The following CELSR1 variants were observed in gnomAD, a reference collection of about 807,000 sequenced individuals.
CELSR1 encodes cadherin EGF LAG seven-pass G-type receptor 1, also known as adhesion G protein-coupled receptor C1.
Under a neutral mutation model 249.1 loss-of-function variants are expected in CELSR1, and 110 were observed. The observed-to-expected ratio is 0.44, with a 90% CI of 0.38 to 0.52. The LOEUF (loss-of-function observed/expected upper bound fraction) is 0.52, where lower values mean the gene tolerates loss of function less well. Among genes scored for constraint, CELSR1 ranks in the 20% least tolerant of loss-of-function variants. CELSR1 has a pLI of 0.00. For synonymous variants in CELSR1, 2,113 were observed against 1,900.0 expected (o/e 1.11, Z -2.92); for missense variants, 4,109 against 4,296.4 (o/e 0.96, Z 1.22).
rs1177589089 is a variant in CELSR1, at chr22:46,523,286, T to C, written c.3544+10341A>G. Among the ~76,000 whole-genome samples the C allele has an allele frequency of 2.0e-5, 3 of 152,270 alleles. No individual in the cohort carries two copies. The East Asian group carries it at 5.8e-4, about 29-fold the overall frequency. ...GCTGATGCCTGTAATCCCAGCACTT[T>C]GGGAGGCCAAGGCGGACGGTTCAGC... is the stretch of plus-strand genomic sequence containing the variant. On this transcript the variant is annotated intron_variant, in intron 1 of 34. Transcript: ENST00000674500.
chr22:46,386,294 G>A, intron 19 of CELSR1, 108 bp downstream of exon 19: 6 of 1,248,506 alleles, frequency 4.8e-6, no homozygotes, highest in Non-Finnish European at 6.4e-6. Context: ...CTAAGAGCAT[G>A]GCCAAGGGGG....
rs558070325 is a variant in CELSR1, at chr22:46,454,507, C to T, written c.4183+9200G>A. Among the ~76,000 whole-genome samples the T allele has an allele frequency of 2.2e-4, 34 of 152,338 alleles. 2 individuals carry two copies. The South Asian group carries it at 6.4e-3, about 29-fold the overall frequency. On this transcript the variant is annotated intron_variant, in intron 2 of 34. Coordinates refer to ENST00000674500, the MANE Select transcript of CELSR1 (RefSeq NM_001378328.1). The surrounding 1 kb of genome is among the most constrained non-coding windows in gnomAD (Gnocchi z 5.1). Reference sequence around the variant, plus strand: ...CTCAACAGCACAGACTTCGAAGTCACGGGGAACGGCGTGTGCTTTAAACCA... The same window carrying T: ...CTCAACAGCACAGACTTCGAAGTCATGGGGAACGGCGTGTGCTTTAAACCA...
At chr22:46,375,686 G>A (rs911602519) in intron 24 of CELSR1, among the ~76,000 whole-genome samples, 1 of 152,022 alleles carries the variant, frequency 6.6e-6, no homozygotes, top group Non-Finnish European at 1.5e-5. Context: ...TGGGATTACA[G>A]GTGCGTACCA....
chr22:46,372,032 C>T (rs1489887011), intron 25 of CELSR1, among the ~76,000 whole-genome samples: 7 of 149,946 alleles, frequency 4.7e-5, no homozygotes, highest in Admixed American at 1.3e-4. Context: ...TCTACTCACT[C>T]GTCTCTCCAT....
At chr22:46,470,131 G>C (rs2080141474) in intron 1 of CELSR1, among the ~76,000 whole-genome samples, 1 of 146,484 alleles carries the variant, frequency 6.8e-6, no homozygotes, top group African/African-American at 2.5e-5. Flanking sequence ...TTTTTTTTTA[G>C]GGTCCACTAC....
Position 46,531,185 on chromosome 22 carries a change from TTTTATTTA to T in CELSR1, c.3544+2434_3544+2441del, listed in dbSNP as rs151076267. Among the ~76,000 whole-genome samples the T allele has an allele frequency of 4.3e-3, 639 of 148,056 alleles. 4 individuals are homozygous for T. Among genetic ancestry groups the T allele is most frequent in the Non-Finnish European group, 5.0e-3 (335 of 66,916 alleles). On this transcript the variant is annotated intron_variant, in intron 1 of 34. Coordinates refer to ENST00000674500, the MANE Select transcript of CELSR1 (RefSeq NM_001378328.1). ...AATGGTCTGAGATTTCTGCGCATCC[TTTTATTTA>T]TTTATTTATTTATTTATTTATTTAT...
At position 46,473,274 on chromosome 22, in the gene CELSR1, G is replaced by T. The variant is rs1472236949; in HGVS notation, c.3545-8929C>A. On this transcript the variant is annotated intron_variant, in intron 1 of 34. Coordinates refer to ENST00000674500, the MANE Select transcript of CELSR1 (RefSeq NM_001378328.1). This position sits in a 1 kb window ranked among gnomAD's most constrained non-coding sequence, Gnocchi z 6.6. ...GTAAGGTGACTCGGGCTGAGTGGCGGGGCCCAGATTAACCTGAGGCCAAGT... is the reference window on the plus strand; with the variant it reads ...GTAAGGTGACTCGGGCTGAGTGGCGTGGCCCAGATTAACCTGAGGCCAAGT... Among the ~76,000 whole-genome samples the T allele has an allele frequency of 2.0e-5, 3 of 152,150 alleles. No individual in the cohort carries two copies. Among genetic ancestry groups the T allele is most frequent in the African/African-American group, 7.2e-5 (3 of 41,426 alleles).
In CELSR1 at chr22:46,428,383, C is replaced by T. The variant is rs956357329; in HGVS notation, c.4611+5010G>A. Among the ~76,000 whole-genome samples, 3 of 152,206 alleles carry T rather than the reference C, an allele frequency of 2.0e-5. No homozygotes were observed. The highest frequency in any genetic ancestry group is 6.5e-5 in the Admixed American group (1 of 15,284). On this transcript the variant is annotated intron_variant, in intron 5 of 34. Coordinates refer to ENST00000674500, the MANE Select transcript of CELSR1 (RefSeq NM_001378328.1). The surrounding 1 kb of genome is among the most constrained non-coding windows in gnomAD (Gnocchi z 5.7). ...CACAGCATCGTCCCCGGCCAGGTGA[C>T]GGATGCCGAGTGCCCCTTGGAGACC...
In CELSR1 at chr22:46,512,131, C is replaced by T. The variant is rs772506501; in HGVS notation, c.3544+21496G>A. Among the ~76,000 whole-genome samples the T allele has an allele frequency of 6.6e-6, 1 of 152,200 alleles. No individual in the cohort carries two copies. The highest frequency in any genetic ancestry group is 1.5e-5 in the Non-Finnish European group (1 of 68,048). ...TGCCAGGAGCTCTCAGTGTGGCAAA[C>T]ACAGCAGCAGCAAGAGTGACGGCGG... is the stretch of plus-strand genomic sequence containing the variant. On this transcript the variant is annotated intron_variant, in intron 1 of 34. Transcript: ENST00000674500. This position sits in a 1 kb window ranked among gnomAD's most constrained non-coding sequence, Gnocchi z 5.2.
At chr22:46,508,353 T>C (rs1322100269) in intron 1 of CELSR1, among the ~76,000 whole-genome samples, 2 of 148,158 alleles carry the variant, frequency 1.3e-5, no homozygotes, top group Admixed American at 1.3e-4. Context: ...GAGGGTGGGA[T>C]GGGAGGGGCA....
intron 5 of CELSR1, among the ~76,000 whole-genome samples, chr22:46,419,186 A>G (rs1283934245): frequency 6.6e-6 from 1 of 151,718 alleles, no homozygotes; most frequent in Non-Finnish European, 1.5e-5. Flanking sequence ...CGGCCAGGCT[A>G]CTCCCCCAGG....
Position 46,364,714 on chromosome 22 carries a change from A to G in CELSR1, c.8577T>C (p.Val2859=), listed in dbSNP as rs1442495857. ...TPKGDAVANH[V]PAGWPDQSLA... ...GGCTCTGGTCGGGCCAGCCGGCCGG[A>G]ACGTGGTTGGCCACAGCGTCCCCTG... The change falls in exon 33 of 35, where the codon GTT becomes GTC. Residue 2859 remains valine, a synonymous_variant. Coordinates refer to ENST00000674500, the MANE Select transcript of CELSR1 (RefSeq NM_001378328.1). 6 of 1,612,280 alleles carry G rather than the reference A, an allele frequency of 3.7e-6. No homozygotes were observed. Among genetic ancestry groups the G allele is most frequent in the African/African-American group, 1.3e-5 (1 of 75,044 alleles).
intron 1 of CELSR1, among the ~76,000 whole-genome samples, chr22:46,509,963 G>C (rs998334500): frequency 1.3e-5 from 2 of 152,214 alleles, no homozygotes; most frequent in African/African-American, 4.8e-5. Flanking sequence ...AGGTGACAAG[G>C]CTGGGGACTT....
At chr22:46,415,860 A>T (rs910325044) in intron 5 of CELSR1, among the ~76,000 whole-genome samples, 3 of 152,222 alleles carry the variant, frequency 2.0e-5, no homozygotes, top group African/African-American at 7.2e-5. Flanking sequence ...TTGAATAGGG[A>T]TAAGTGAAAA....
At chr22:46,501,199 A>ATTTTT (rs57293109) in intron 1 of CELSR1, among the ~76,000 whole-genome samples, 4 of 108,554 alleles carry the variant, frequency 3.7e-5, no homozygotes, top group African/African-American at 1.2e-4. Context: ...TGCCCGGCTA[A>ATTTTT]TTTTTTTTTT....
rs1388068304 is a variant in CELSR1 at position 46,439,413 on chromosome 22, TG to T, written c.4184-3del. ...GGGCATCCACCTCACAGTGCTCTCC[TG>T]GGGGGCGAGAGGAAGATGCCAGAGA... On this transcript the variant is annotated splice_polypyrimidine_tract_variant and splice_region_variant and intron_variant, in intron 2 of 34. Coordinates refer to ENST00000674500, the MANE Select transcript of CELSR1 (RefSeq NM_001378328.1). The T allele has an allele frequency of 2.1e-5, 33 of 1,609,428 alleles. No individual in the cohort carries two copies. Among genetic ancestry groups the T allele is most frequent in the African/African-American group, 4.0e-5 (3 of 74,696 alleles).
At chr22:46,394,026 T>G in intron 14 of CELSR1, 116 bp downstream of exon 14, 2 of 1,361,004 alleles carry the variant, frequency 1.5e-6, no homozygotes, top group South Asian at 1.3e-5. Flanking sequence ...CAGGTGTGTG[T>G]GCAGGGGTGT....
Position 46,398,046 on chromosome 22 carries a change from G to T in CELSR1, c.5527-198C>A, listed in dbSNP as rs543020434. ...AGTGCAGTGGAGGGCTGGGTGAGGAGCTCAGAGGGCACGCCAGCCTGAGCT... is the reference window on the plus strand; with the variant it reads ...AGTGCAGTGGAGGGCTGGGTGAGGATCTCAGAGGGCACGCCAGCCTGAGCT... On this transcript the variant is annotated intron_variant, in intron 11 of 34. Transcript: ENST00000674500. This position sits in a 1 kb window ranked among gnomAD's most constrained non-coding sequence, Gnocchi z 7.2. Among the ~76,000 whole-genome samples the T allele has an allele frequency of 6.6e-6, 1 of 152,288 alleles. No individual in the cohort carries two copies. The highest frequency in any genetic ancestry group is 2.1e-4 in the South Asian group (1 of 4,820).
In CELSR1 at chr22:46,416,943, AAT is replaced by A. The variant is rs201265748; in HGVS notation, c.4612-5186_4612-5185del. 1.1e-3 allele frequency among the ~76,000 whole-genome samples: 133 copies of A among 117,754 alleles called. 6 individuals carry two copies. In the East Asian group the frequency reaches 0.029, roughly 26 times the overall value. The allele number at this position is 117,754 out of a possible 152,430, so 77.3% of individuals were successfully genotyped here. On this transcript the variant is annotated intron_variant, in intron 5 of 34. Coordinates refer to ENST00000674500, the MANE Select transcript of CELSR1 (RefSeq NM_001378328.1). ...GGGAGGCCGGTGGGGGTACGGTTTC[AAT>A]GCTGGGGAAGGTAGCAGGGGAAGGC...
Sources: allele counts gnomAD v4.1 joint callset (sites outside exome capture counted in the v4.1 genomes callset), GRCh38; gene constraint gnomAD v4.1.1; non-coding constraint Gnocchi (gnomAD v3.1); transcripts MANE v1.5; gene names NCBI Gene and HGNC (gene_info 2026-07-23, HGNC 2026-07-21).